GALNT2: variants seen among roughly 807,000 people sequenced by gnomAD.
GALNT2 encodes the protein polypeptide N-acetylgalactosaminyltransferase 2.
Under a neutral mutation model 81.4 loss-of-function variants are expected in GALNT2, and 31 were observed. The observed-to-expected ratio is 0.38, with a 90% CI of 0.29 to 0.51. The LOEUF (loss-of-function observed/expected upper bound fraction) is 0.51, where lower values mean the gene tolerates loss of function less well. Ranked by LOEUF, GALNT2 falls within the 20% of genes least tolerant of loss-of-function variation. The pLI is 0.87. For missense variants in GALNT2, 629 were observed against 765.7 expected (o/e 0.82, Z 2.11); for synonymous variants, 303 against 287.4 (o/e 1.05, Z -0.55).
chr1:230,136,379 T>A (rs992711226), intron 1 of GALNT2, among the ~76,000 whole-genome samples: 4 of 152,026 alleles, frequency 2.6e-5, no homozygotes, highest in African/African-American at 9.7e-5. Flanking sequence ...CAGGAGAGAG[T>A]GGGGCCTGTT....
intron 11 of GALNT2, 166 bp from the exon 12 acceptor site, chr1:230,262,407 G>T: frequency 1.7e-6 from 1 of 602,330 alleles, no homozygotes; most frequent in South Asian, 2.1e-5. Context: ...TCCAGCTCGA[G>T]GTGCTGGTGG....
chr1:230,266,264 C>G (rs186117052), intron 14 of GALNT2, among the ~76,000 whole-genome samples: 1 of 152,160 alleles, frequency 6.6e-6, no homozygotes, highest in Non-Finnish European at 1.5e-5. Flanking sequence ...AAAGGAGAGA[C>G]AAAATGAAGG....
At chr1:230,155,158 C>T (rs1361947895) in intron 1 of GALNT2, among the ~76,000 whole-genome samples, 1 of 152,172 alleles carries the variant, frequency 6.6e-6, no homozygotes, top group African/African-American at 2.4e-5. Context: ...CCCAGGTCCT[C>T]GGTTTCCCTT....
chr1:230,110,039 C>T (rs574412001), intron 1 of GALNT2, among the ~76,000 whole-genome samples: 41 of 152,276 alleles, frequency 2.7e-4, no homozygotes, highest in African/African-American at 8.4e-4. Flanking sequence ...CACTGGGAGC[C>T]ACGGCGTCCT....
intron 3 of GALNT2, among the ~76,000 whole-genome samples, chr1:230,217,125 G>A (rs1664413275): frequency 6.6e-6 from 1 of 152,066 alleles, no homozygotes; most frequent in South Asian, 2.1e-4. Flanking sequence ...ACATTAAGAG[G>A]ATGGGGGAGA....
At chr1:230,224,937 G>A (rs769329574) in intron 3 of GALNT2, among the ~76,000 whole-genome samples, 2 of 152,252 alleles carry the variant, frequency 1.3e-5, no homozygotes, top group South Asian at 2.1e-4. Flanking sequence ...TATTTTAGAC[G>A]AATAATTTCG....
In GALNT2 at chr1:230,207,415, C is replaced by T. The variant is rs139640755; in HGVS notation, c.374+4125C>T. Among the ~76,000 whole-genome samples the T allele has an allele frequency of 7.2e-3, 1,096 of 151,986 alleles. 9 individuals carry two copies. The highest frequency in any genetic ancestry group is 0.01 in the Middle Eastern group (3 of 294). On this transcript the variant is annotated intron_variant, in intron 3 of 15. Coordinates refer to ENST00000366672, the MANE Select transcript of GALNT2 (RefSeq NM_004481.5). ...CTTCAGAGCCTCCCAAACAAACAGACAAACAAAAAACTCTGGGCTATGCTT... is the reference window on the plus strand; with the variant it reads ...CTTCAGAGCCTCCCAAACAAACAGATAAACAAAAAACTCTGGGCTATGCTT...
chr1:230,161,955 G>T (rs1378249174), intron 1 of GALNT2, among the ~76,000 whole-genome samples: 1 of 151,802 alleles, frequency 6.6e-6, no homozygotes, highest in Non-Finnish European at 1.5e-5. Flanking sequence ...TAGATCTTTT[G>T]TTTTAAGCTA....
intron 1 of GALNT2, among the ~76,000 whole-genome samples, chr1:230,107,000 C>T (rs906439137): frequency 1.3e-5 from 2 of 152,216 alleles, no homozygotes; most frequent in Non-Finnish European, 2.9e-5. Flanking sequence ...ATCTGACTCC[C>T]GAGTCCCGGG....
intron 1 of GALNT2, among the ~76,000 whole-genome samples, chr1:230,131,078 C>T (rs1476696771): frequency 6.6e-6 from 1 of 151,714 alleles, no homozygotes; most frequent in Non-Finnish European, 1.5e-5. Flanking sequence ...ACCTAATAAA[C>T]AAGATAGCTT....
At position 230,177,417 on chromosome 1, in the gene GALNT2, GC is replaced by G. The variant is rs973829985; in HGVS notation, c.127-799del. ...CAGGAGTCTGGTGGGAAAATTACTAGCCATGGCTTATTTCTGATTTGGGTTA... is the reference window on the plus strand; with the variant it reads ...CAGGAGTCTGGTGGGAAAATTACTAGCATGGCTTATTTCTGATTTGGGTTA... On this transcript the variant is annotated intron_variant, in intron 1 of 15. Transcript: ENST00000366672. Among the ~76,000 whole-genome samples the G allele has an allele frequency of 1.9e-4, 29 of 152,324 alleles. No homozygotes were observed. In the Middle Eastern group the frequency reaches 0.01, roughly 54 times the overall value.
rs1666379547 is a variant in GALNT2, at chr1:230,279,492, G to C, written c.*34G>C. ...GGGAGGCCCTGCCGTCCTGTCTCCTGCACCATTGGGTGGAGTCTGGTGATC... is the reference window on the plus strand; with the variant it reads ...GGGAGGCCCTGCCGTCCTGTCTCCTCCACCATTGGGTGGAGTCTGGTGATC... On this transcript the variant is annotated 3_prime_UTR_variant, in exon 16 of 16. Transcript: ENST00000366672. The surrounding 1 kb of genome is among the most constrained non-coding windows in gnomAD (Gnocchi z 4.6). The C allele has an allele frequency of 6.2e-7, 1 of 1,602,482 alleles. No individual in the cohort carries two copies. The highest frequency in any genetic ancestry group is 8.5e-7 in the Non-Finnish European group (1 of 1,173,172).
intron 1 of GALNT2, among the ~76,000 whole-genome samples, chr1:230,074,316 C>T (rs369196856): frequency 1.8e-4 from 27 of 152,242 alleles, no homozygotes; most frequent in African/African-American, 3.1e-4. Flanking sequence ...TGGGCTCAAG[C>T]GGTCCTCCTG....
intron 1 of GALNT2, among the ~76,000 whole-genome samples, chr1:230,161,135 G>A (rs1255568176): frequency 6.6e-6 from 1 of 152,200 alleles, no homozygotes; most frequent in Non-Finnish European, 1.5e-5. Flanking sequence ...ACAGTCCTGT[G>A]ACTGTCTGGG....
At chr1:230,131,273 A>T (rs1661359773) in intron 1 of GALNT2, among the ~76,000 whole-genome samples, 1 of 152,124 alleles carries the variant, frequency 6.6e-6, no homozygotes, top group Admixed American at 6.5e-5. Flanking sequence ...CGCCAGTTTT[A>T]ATTTCTTTCT....
At chr1:230,256,483 A>G (rs1665720635) in intron 11 of GALNT2, among the ~76,000 whole-genome samples, 2 of 151,568 alleles carry the variant, frequency 1.3e-5, no homozygotes, top group South Asian at 2.1e-4. Flanking sequence ...TAATACTGTT[A>G]TAATGGCAAT....
At chr1:230,266,062 C>T (rs1362177684) in intron 14 of GALNT2, among the ~76,000 whole-genome samples, 5 of 152,128 alleles carry the variant, frequency 3.3e-5, no homozygotes, top group African/African-American at 1.2e-4. Flanking sequence ...AGCGTGGTGG[C>T]GGGCACCTGT....
chr1:230,141,832 G>A (rs1572012134), intron 1 of GALNT2, among the ~76,000 whole-genome samples: 1 of 107,122 alleles, frequency 9.3e-6, no homozygotes, highest in Non-Finnish European at 1.7e-5. Context: ...TCGCTCTATT[G>A]TCCAGGCTGA....
At chr1:230,194,942 G>C (rs1467334901) in intron 2 of GALNT2, among the ~76,000 whole-genome samples, 1 of 152,246 alleles carries the variant, frequency 6.6e-6, no homozygotes, top group African/African-American at 2.4e-5. Context: ...AGAGCAAGAA[G>C]AGCATCCCAG....
Sources: gnomAD v4.1 joint callset for allele counts (sites outside exome capture counted in the v4.1 genomes callset) on GRCh38, gnomAD v4.1.1 for gene constraint, Gnocchi (gnomAD v3.1) non-coding constraint, MANE v1.5 for transcripts, NCBI Gene and HGNC (gene_info 2026-07-23, HGNC 2026-07-21) for gene names.